The following CWC27 variants were observed in gnomAD, a reference collection of about 807,000 sequenced individuals.
CWC27 encodes the protein CWC27 spliceosome associated cyclophilin.
CWC27 carries 47 observed loss-of-function variants against 63.6 expected under a neutral mutation model. That is an observed-to-expected ratio of 0.74 (90% CI 0.58 to 0.94). CWC27 has a LOEUF of 0.94. Among genes scored for constraint, CWC27 ranks in the 40% least tolerant of loss-of-function variants. The pLI is 0.00. For synonymous variants in CWC27, 175 were observed against 179.8 expected (o/e 0.97, Z 0.22); for missense variants, 495 against 554.3 (o/e 0.89, Z 1.07).
intron 10 of CWC27, among the ~76,000 whole-genome samples, chr5:64,847,149 A>G (rs547498228): frequency 2.0e-5 from 3 of 152,292 alleles, no homozygotes; most frequent in African/African-American, 7.2e-5. Flanking sequence ...ACAAAGATAC[A>G]TCTCACTTTT....
At chr5:64,914,350 C>G (rs546880219) in intron 11 of CWC27, among the ~76,000 whole-genome samples, 1 of 152,180 alleles carries the variant, frequency 6.6e-6, no homozygotes, top group South Asian at 2.1e-4. Flanking sequence ...CAGCAAGATA[C>G]CTGACATAAG....
chr5:64,778,648 G>C (rs750651505), intron 2 of CWC27, among the ~76,000 whole-genome samples: 24 of 152,150 alleles, frequency 1.6e-4, no homozygotes, highest in Admixed American at 2.6e-4. Context: ...TTAGATTTAT[G>C]AGAAAATGGA....
intron 11 of CWC27, among the ~76,000 whole-genome samples, chr5:64,942,454 A>G (rs867067205): frequency 1.3e-5 from 2 of 150,970 alleles, no homozygotes; most frequent in African/African-American, 2.4e-5. Flanking sequence ...AAAAAAAAAA[A>G]AAAAAAGATA....
chr5:64,820,886 A>G (rs1446546233), intron 10 of CWC27, among the ~76,000 whole-genome samples: 1 of 152,014 alleles, frequency 6.6e-6, no homozygotes, highest in Non-Finnish European at 1.5e-5. Context: ...CACAAAAAGC[A>G]TGATCTGTGG....
At chr5:64,912,131 T>C (rs1209588863) in intron 11 of CWC27, among the ~76,000 whole-genome samples, 2 of 151,052 alleles carry the variant, frequency 1.3e-5, no homozygotes, top group Non-Finnish European at 3.0e-5. Flanking sequence ...TATAGGTATA[T>C]AGCTTCAAAT....
intron 11 of CWC27, among the ~76,000 whole-genome samples, chr5:64,946,051 G>C (rs1307298898): frequency 6.6e-6 from 1 of 151,954 alleles, no homozygotes; most frequent in Non-Finnish European, 1.5e-5. Context: ...TCCACATTTT[G>C]CCCACATCAT....
intron 13 of CWC27, among the ~76,000 whole-genome samples, chr5:64,988,751 G>A (rs561207900): frequency 2.0e-5 from 3 of 152,100 alleles, no homozygotes; most frequent in Admixed American, 6.5e-5. Flanking sequence ...TTATAGGCAT[G>A]CGCCACCGCA....
At chr5:64,867,938 T>TGC (rs1491485077) in intron 10 of CWC27, among the ~76,000 whole-genome samples, 3 of 148,532 alleles carry the variant, frequency 2.0e-5, no homozygotes, top group African/African-American at 7.4e-5. Context: ...TTGTTGTGTT[T>TGC]GGGGGGGGGG....
At chr5:64,971,367 A>C (rs1189076232) in intron 11 of CWC27, among the ~76,000 whole-genome samples, 1 of 152,238 alleles carries the variant, frequency 6.6e-6, no homozygotes, top group African/African-American at 2.4e-5. Context: ...AAAAATGTAA[A>C]ATGGTATTGC....
chr5:64,882,687 G>A (rs555146539), intron 10 of CWC27, among the ~76,000 whole-genome samples: 1 of 152,126 alleles, frequency 6.6e-6, no homozygotes, highest in South Asian at 2.1e-4. Context: ...TCCGCCTCTC[G>A]GGTTTGCACC....
At chr5:65,004,778 T>C (rs1309535) in intron 13 of CWC27, among the ~76,000 whole-genome samples, 22,657 of 148,150 alleles carry the variant, frequency 0.15, 1,961 homozygotes, top group Non-Finnish European at 0.19. Context: ...GTTTCTTGTG[T>C]CCTTACTTTT....
chr5:64,785,560 A>C lies in CWC27; in HGVS notation c.476A>C (p.His159Pro), dbSNP rs368541156. ...GATGACGAAAGACCACATAATCCACACAAAATAAAAAGCTGTGAGGTAGGA... is the reference window on the plus strand; with the variant it reads ...GATGACGAAAGACCACATAATCCACCCAAAATAAAAAGCTGTGAGGTAGGA... ...IDDDERPHNP[H>P]KIKSCEVLFN... Residue 159 changes from histidine to proline, a missense_variant, in exon 5 of 14, where the codon CAC (histidine) becomes CCC (proline). Coordinates refer to ENST00000381070, the MANE Select transcript of CWC27 (RefSeq NM_005869.4). 1.9e-6 allele frequency: 3 copies of C among 1,596,664 alleles called. No homozygotes were observed. The highest frequency in any genetic ancestry group is 2.6e-6 in the Non-Finnish European group (3 of 1,172,946).
intron 3 of CWC27, among the ~76,000 whole-genome samples, chr5:64,782,927 C>T (rs969302171): frequency 6.6e-6 from 1 of 152,140 alleles, no homozygotes; most frequent in African/African-American, 2.4e-5. Context: ...TCCGTCTAGT[C>T]GGAAGCATTC....
chr5:64,837,839 T>C lies in CWC27; in HGVS notation c.938+33453T>C, dbSNP rs537442007. On this transcript the variant is annotated intron_variant, in intron 10 of 13. Transcript: ENST00000381070. ...AAACCTCTTTACTTTCAAAGTATTT[T>C]TGAAGTTGAAAACTTTTCATAGTAT... Among the ~76,000 whole-genome samples the C allele has an allele frequency of 2.0e-5, 3 of 152,274 alleles. No individual in the cohort carries two copies. In the South Asian group the frequency reaches 6.2e-4, roughly 32 times the overall value.
chr5:64,992,349 A>G (rs1029539941), intron 13 of CWC27, among the ~76,000 whole-genome samples: 1 of 152,212 alleles, frequency 6.6e-6, no homozygotes, highest in African/African-American at 2.4e-5. Context: ...CAGTGAGCCT[A>G]TGCTGTTTCC....
At chr5:64,924,656 A>G (rs1748071483) in intron 11 of CWC27, among the ~76,000 whole-genome samples, 2 of 152,182 alleles carry the variant, frequency 1.3e-5, no homozygotes, top group Admixed American at 1.3e-4. Flanking sequence ...TTTCCAAGAA[A>G]GGAATCCAAT....
chr5:64,848,039 TAG>T (rs2112292314), intron 10 of CWC27, among the ~76,000 whole-genome samples: 3 of 151,672 alleles, frequency 2.0e-5, no homozygotes, highest in African/African-American at 7.3e-5. Context: ...GATAAAGAAA[TAG>T]AGACTAGAAA....
intron 10 of CWC27, among the ~76,000 whole-genome samples, chr5:64,856,334 A>G (rs149393067): frequency 2.4e-4 from 37 of 152,160 alleles, no homozygotes; most frequent in African/African-American, 8.7e-4. Flanking sequence ...GAAATATTAT[A>G]CTGTAATTTA....
At chr5:64,870,482 TAAAAA>T (rs372653084) in intron 10 of CWC27, among the ~76,000 whole-genome samples, 1 of 48,334 alleles carries the variant, frequency 2.1e-5, no homozygotes, top group African/African-American at 1.0e-4. Context: ...TTAAATTGGT[TAAAAA>T]AAAAAAAAAA....
Sources: allele counts gnomAD v4.1 joint callset (sites outside exome capture counted in the v4.1 genomes callset), GRCh38; gene constraint gnomAD v4.1.1; transcripts MANE v1.5; gene names NCBI Gene and HGNC (gene_info 2026-07-23, HGNC 2026-07-21).